Variants in ST3GAL3 observed in about 807,000 individuals in gnomAD.
ST3GAL3 encodes ST3 beta-galactoside alpha-2,3-sialyltransferase 3.
In ST3GAL3, 21 loss-of-function variants were observed where a neutral mutation model predicts 50.1. The ratio of observed to expected loss-of-function variants is 0.42; its 90% confidence interval spans 0.30 to 0.60. The LOEUF is 0.60. Ranked by LOEUF, ST3GAL3 falls within the 20% of genes least tolerant of loss-of-function variation. The pLI is 0.19. For synonymous variants in ST3GAL3, 183 were observed against 190.0 expected (o/e 0.96, Z 0.30); for missense variants, 353 against 489.4 (o/e 0.72, Z 2.63).
At chr1:43,752,109 G>T (rs572653302) in intron 2 of ST3GAL3, among the ~76,000 whole-genome samples, 4 of 152,110 alleles carry the variant, frequency 2.6e-5, no homozygotes, top group Non-Finnish European at 5.9e-5. Flanking sequence ...GAGCCACTGC[G>T]CCCGGCCTAA....
intron 2 of ST3GAL3, among the ~76,000 whole-genome samples, chr1:43,778,644 C>CTTTTT (rs35726867): frequency 4.2e-5 from 5 of 118,700 alleles, no homozygotes; most frequent in Admixed American, 9.3e-5. Context: ...TTCTTTTTTT[C>CTTTTT]TTTTTTTTTT....
At chr1:43,762,160 A>G (rs1690725050) in intron 2 of ST3GAL3, among the ~76,000 whole-genome samples, 1 of 150,930 alleles carries the variant, frequency 6.6e-6, no homozygotes, top group African/African-American at 2.4e-5. Flanking sequence ...AGTCCCAGCC[A>G]CTTGGGAGGC....
chr1:43,781,748 C>T (rs1203433258), intron 2 of ST3GAL3, among the ~76,000 whole-genome samples: 1 of 152,180 alleles, frequency 6.6e-6, no homozygotes, highest in Non-Finnish European at 1.5e-5. Context: ...GTTTTTCAAC[C>T]CCCAACTGAA....
chr1:43,787,642 A>C (rs2057513212), intron 2 of ST3GAL3, among the ~76,000 whole-genome samples: 1 of 152,256 alleles, frequency 6.6e-6, no homozygotes, highest in South Asian at 2.1e-4. Context: ...CATTGGAAAT[A>C]ATATTTGCAA....
At chr1:43,860,129 T>A (rs1569940473) in intron 5 of ST3GAL3, among the ~76,000 whole-genome samples, 2 of 152,158 alleles carry the variant, frequency 1.3e-5, no homozygotes, top group Admixed American at 1.3e-4. Context: ...GAATGACCAC[T>A]GGTTGGATCA....
chr1:43,860,968 G>A (rs1264149226), intron 5 of ST3GAL3, among the ~76,000 whole-genome samples: 3 of 152,344 alleles, frequency 2.0e-5, no homozygotes, highest in South Asian at 2.1e-4. Context: ...GTCGGAGGAC[G>A]AGGGGTACAT....
chr1:43,921,596 G>A, intron 11 of ST3GAL3: 1 of 399,318 alleles, frequency 2.5e-6, no homozygotes, highest in Non-Finnish European at 4.4e-6. Flanking sequence ...GGTGATGGGA[G>A]GTTGTTGGAG....
chr1:43,848,467 GGCTA>G (rs1250280395), intron 5 of ST3GAL3, among the ~76,000 whole-genome samples: 9 of 151,610 alleles, frequency 5.9e-5, no homozygotes, highest in African/African-American at 2.2e-4. Flanking sequence ...CACCACACCT[GGCTA>G]ATTTTGTATT....
At chr1:43,894,979 A>G (rs1029584828) in intron 6 of ST3GAL3, among the ~76,000 whole-genome samples, 2 of 152,184 alleles carry the variant, frequency 1.3e-5, no homozygotes, top group African/African-American at 4.8e-5. Flanking sequence ...TTAAGTATAC[A>G]ACAGTGAAGT....
chr1:43,707,673 C>G lies in ST3GAL3; in HGVS notation c.-51C>G, dbSNP rs1429146261. 1 of 152,174 alleles carries G rather than the reference C, an allele frequency of 6.6e-6. No individual in the cohort carries two copies. Among genetic ancestry groups the G allele is most frequent in the East Asian group, 1.9e-4 (1 of 5,176 alleles). 9.4% of individuals were successfully genotyped at this position (152,174 alleles called of 1,614,324 possible). ...GCGTCGGGCCGGGCGCCACCTCCCC[C>G]CTGCCTCCCTCTCCGCTGTGGTAAG... On this transcript the variant is annotated 5_prime_UTR_variant, in exon 1 of 12. Coordinates refer to ENST00000347631, the MANE Select transcript of ST3GAL3 (RefSeq NM_006279.5).
At chr1:43,800,550 C>A (rs1344377925) in intron 3 of ST3GAL3, among the ~76,000 whole-genome samples, 1 of 152,192 alleles carries the variant, frequency 6.6e-6, no homozygotes, top group African/African-American at 2.4e-5. Flanking sequence ...CTTGTTTCCT[C>A]TGAGAGTCAT....
chr1:43,771,447 C>T (rs1368345738), intron 2 of ST3GAL3, among the ~76,000 whole-genome samples: 2 of 151,808 alleles, frequency 1.3e-5, no homozygotes, highest in African/African-American at 4.8e-5. Flanking sequence ...AGGCTCCGCC[C>T]CCGGGGTTCA....
chr1:43,749,215 G>A (rs1027332368), intron 2 of ST3GAL3, among the ~76,000 whole-genome samples: 10 of 152,140 alleles, frequency 6.6e-5, no homozygotes, highest in East Asian at 1.9e-4. Context: ...TAAGTGGATC[G>A]TAGACCTAAG....
At chr1:43,923,285 C>G (rs1571584930) in intron 11 of ST3GAL3, among the ~76,000 whole-genome samples, 1 of 147,030 alleles carries the variant, frequency 6.8e-6, no homozygotes, top group African/African-American at 2.5e-5. Flanking sequence ...AAAAAAAGCA[C>G]TAGCCAAGGC....
At chr1:43,784,029 C>T (rs1175249697) in intron 2 of ST3GAL3, among the ~76,000 whole-genome samples, 3 of 152,136 alleles carry the variant, frequency 2.0e-5, no homozygotes, top group Non-Finnish European at 4.4e-5. Context: ...AGAAACCCTA[C>T]TAAATTAGTT....
rs1163581301 is a variant in ST3GAL3, at chr1:43,809,204, A to G, written c.167-5687A>G. ...CACAAATGAGAGAACTGGGGGCATT[A>G]CATCATATTCCTATGTTCAATAAGG... On this transcript the variant is annotated intron_variant, in intron 3 of 11. Coordinates refer to ENST00000347631, the MANE Select transcript of ST3GAL3 (RefSeq NM_006279.5). Among the ~76,000 whole-genome samples, 5 of 152,200 alleles carry G rather than the reference A, an allele frequency of 3.3e-5. No homozygotes were observed. In the East Asian group the frequency reaches 9.6e-4, roughly 29 times the overall value.
At chr1:43,855,824 G>A (rs1225931352) in intron 5 of ST3GAL3, among the ~76,000 whole-genome samples, 2 of 126,992 alleles carry the variant, frequency 1.6e-5, no homozygotes, top group Non-Finnish European at 3.5e-5. Flanking sequence ...CAGAACATAG[G>A]CCACTTTACA....
chr1:43,834,626 A>C (rs1316250723), intron 4 of ST3GAL3, among the ~76,000 whole-genome samples: 1 of 151,788 alleles, frequency 6.6e-6, no homozygotes, highest in Non-Finnish European at 1.5e-5. Flanking sequence ...GCTACTCCTC[A>C]TCTCCCAAAT....
chr1:43,760,637 TC>T (rs1419709686), intron 2 of ST3GAL3, among the ~76,000 whole-genome samples: 2 of 152,194 alleles, frequency 1.3e-5, no homozygotes, highest in African/African-American at 4.8e-5. Flanking sequence ...GCACCTGTAG[TC>T]CCAGCTACTC....
Sources: gnomAD v4.1 joint callset for allele counts (sites outside exome capture counted in the v4.1 genomes callset) on GRCh38, gnomAD v4.1.1 for gene constraint, MANE v1.5 for transcripts, NCBI Gene and HGNC (gene_info 2026-07-23, HGNC 2026-07-21) for gene names.